The following BTAF1 variants were observed in gnomAD, a reference collection of about 807,000 sequenced individuals.
The protein encoded by BTAF1 is TATA-binding protein-associated factor 172.
BTAF1 carries 38 observed loss-of-function variants against 227.1 expected under a neutral mutation model. The observed-to-expected ratio is 0.17, with a 90% CI of 0.13 to 0.22. The LOEUF is 0.22. Among genes scored for constraint, BTAF1 ranks in the 10% least tolerant of loss-of-function variants. BTAF1 has a pLI of 1.00. For missense variants in BTAF1, 1,598 were observed against 2,204.0 expected, an observed-to-expected ratio of 0.73 and a Z score of 5.51; for synonymous variants, 742 against 751.9, an observed-to-expected ratio of 0.99 and a Z score of 0.21.
At position 91,981,623 on chromosome 10, in the gene BTAF1, G is replaced by T; in HGVS notation, c.1756-20G>T. On this transcript the variant is annotated intron_variant, in intron 15 of 37. Transcript: ENST00000265990. ...TTTATTAGAAAAAATTCACTTTCAT[G>T]TCCCCCTTTTACCCTGCAGGTTTGG... 1.3e-6 allele frequency: 2 copies of T among 1,556,906 alleles called. No individual in the cohort carries two copies. Among genetic ancestry groups the T allele is most frequent in the Non-Finnish European group, 1.7e-6 (2 of 1,156,604 alleles).
intron 20 of BTAF1, among the ~76,000 whole-genome samples, chr10:91,989,968 C>T (rs1848629918): frequency 6.6e-6 from 1 of 152,152 alleles, no homozygotes; most frequent in Non-Finnish European, 1.5e-5. Context: ...ACCCTATTGA[C>T]TGAAAAAGTC....
chr10:91,996,654 T>C (rs575989974), intron 24 of BTAF1, 84 bp downstream of exon 24: 33 of 1,340,150 alleles, frequency 2.5e-5, no homozygotes, highest in Middle Eastern at 4.6e-4. Context: ...TGTGTTCTAA[T>C]ATGCACATAA....
At chr10:92,008,006 A>G in intron 25 of BTAF1, 117 bp from the exon 26 acceptor site, 1 of 963,156 alleles carries the variant, frequency 1.0e-6, no homozygotes, top group South Asian at 1.6e-5. Context: ...ATTTGTCTTC[A>G]AGTCTTTGTA....
chr10:91,992,576 G>T (rs760008803), intron 21 of BTAF1, among the ~76,000 whole-genome samples: 1 of 152,158 alleles, frequency 6.6e-6, no homozygotes, highest in Non-Finnish European at 1.5e-5. Flanking sequence ...CTGTAGAGAA[G>T]GTGCTCAATA....
intron 3 of BTAF1, among the ~76,000 whole-genome samples, chr10:91,941,108 T>A (rs1264628297): frequency 1.3e-5 from 2 of 152,246 alleles, no homozygotes; most frequent in African/African-American, 4.8e-5. Flanking sequence ...GTTATTTTGT[T>A]AATTTGTCTT....
At position 92,015,728 on chromosome 10, in the gene BTAF1, G is replaced by A. The variant is rs184156398; in HGVS notation, c.4585-612G>A. 2.2e-3 allele frequency among the ~76,000 whole-genome samples: 336 copies of A among 152,216 alleles called. 10 individuals carry two copies. The highest frequency in any genetic ancestry group is 0.021 in the Admixed American group (321 of 15,294). ...AGCTCCAAAGAGAAATGGCATTTTG[G>A]CTTTGTTTAGCATTCACAGATTTTT... On this transcript the variant is annotated intron_variant, in intron 32 of 37. Coordinates refer to ENST00000265990, the MANE Select transcript of BTAF1 (RefSeq NM_003972.3).
intron 5 of BTAF1, 109 bp from the exon 6 acceptor site, chr10:91,953,628 C>T (rs1452230707): frequency 6.0e-6 from 7 of 1,171,068 alleles, no homozygotes; most frequent in Admixed American, 2.5e-5. Flanking sequence ...AGAATGTGAT[C>T]GATGTATATA....
chr10:91,995,398 C>T (rs914732261), intron 23 of BTAF1, among the ~76,000 whole-genome samples: 3 of 151,906 alleles, frequency 2.0e-5, no homozygotes, highest in Non-Finnish European at 4.4e-5. Flanking sequence ...AAAAGTAGGC[C>T]GGGCGTGGTG....
Position 91,984,095 on chromosome 10 carries a change from C to T in BTAF1, c.2224-106C>T, listed in dbSNP as rs1167490773. On this transcript the variant is annotated intron_variant, in intron 18 of 37. Transcript: ENST00000265990. ...TTGGAGAAGTAACAGAATATAGATT[C>T]AGTACAAGTAAGAATTTAGAACTTG... 8 of 915,686 alleles carry T rather than the reference C, an allele frequency of 8.7e-6. No individual in the cohort carries two copies. The Admixed American group carries it at 8.7e-5, about 10-fold the overall frequency. 56.7% of individuals were successfully genotyped at this position (915,686 alleles called of 1,614,324 possible).
chr10:92,015,837 C>A (rs1378656986), intron 32 of BTAF1, among the ~76,000 whole-genome samples: 1 of 152,074 alleles, frequency 6.6e-6, no homozygotes, highest in African/African-American at 2.4e-5. Context: ...GAACCCAGAC[C>A]CCAGCGTAGT....
intron 1 of BTAF1, among the ~76,000 whole-genome samples, chr10:91,930,976 C>T (rs372432420): frequency 1.4e-4 from 22 of 152,022 alleles, no homozygotes; most frequent in African/African-American, 5.1e-4. Flanking sequence ...GCTTTTTGCC[C>T]CTCCCCTCCC....
At chr10:91,980,053 C>G (rs138249564) in intron 14 of BTAF1, among the ~76,000 whole-genome samples, 1 of 152,210 alleles carries the variant, frequency 6.6e-6, no homozygotes, top group East Asian at 1.9e-4. Context: ...GCATATAGAA[C>G]TTAAACTCTG....
intron 3 of BTAF1, among the ~76,000 whole-genome samples, chr10:91,941,062 C>T (rs1027359500): frequency 6.6e-6 from 1 of 152,130 alleles, no homozygotes; most frequent in African/African-American, 2.4e-5. Context: ...TTGCCTAATA[C>T]TGTTGCTTTA....
chr10:91,956,663 C>T lies in BTAF1; in HGVS notation c.831+6C>T, dbSNP rs1846107351. The T allele has an allele frequency of 1.2e-6, 2 of 1,608,446 alleles. No individual in the cohort carries two copies. The highest frequency in any genetic ancestry group is 2.2e-5 in the South Asian group (2 of 90,594). On this transcript the variant is annotated splice_donor_region_variant and intron_variant, in intron 7 of 37. Transcript: ENST00000265990. ...GCTCTTCCTTAATTGAAGAGGTACT[C>T]TTGAAAGACTCTAAAGTATCCATTA...
In BTAF1 at chr10:91,935,895, T is replaced by C. The variant is rs972968443; in HGVS notation, c.138+115T>C. 5.9e-6 allele frequency: 5 copies of C among 850,298 alleles called. No homozygotes were observed. The African/African-American group carries it at 8.9e-5, about 15-fold the overall frequency. 52.7% of individuals were successfully genotyped at this position (850,298 alleles called of 1,614,324 possible). A position where few individuals can be genotyped will look rare whatever the true frequency, so the allele number is the denominator to read the frequency against. On this transcript the variant is annotated intron_variant, in intron 2 of 37. Coordinates refer to ENST00000265990, the MANE Select transcript of BTAF1 (RefSeq NM_003972.3). ...AATTTTTAAACATTTTTGCTATTTC[T>C]TTTTTTTTTCTGGTCACAAGACTTA...
At chr10:91,930,863 C>T (rs1844231622) in intron 1 of BTAF1, among the ~76,000 whole-genome samples, 1 of 152,094 alleles carries the variant, frequency 6.6e-6, no homozygotes, top group African/African-American at 2.4e-5. Context: ...ACTGGTCATG[C>T]TTTTTTAGTT....
At chr10:91,959,244 T>C in intron 9 of BTAF1, 90 bp downstream of exon 9, 1 of 1,588,586 alleles carries the variant, frequency 6.3e-7, no homozygotes, top group Non-Finnish European at 8.6e-7. Context: ...TGCCGTGAAG[T>C]AGGAATGAGA....
At chr10:91,936,817 A>T (rs1229629135) in intron 2 of BTAF1, among the ~76,000 whole-genome samples, 1 of 152,180 alleles carries the variant, frequency 6.6e-6, no homozygotes, top group Non-Finnish European at 1.5e-5. Flanking sequence ...AACAATGAAC[A>T]GGCCTCATCT....
At chr10:91,957,508 T>C (rs973467641) in intron 8 of BTAF1, among the ~76,000 whole-genome samples, 1 of 152,258 alleles carries the variant, frequency 6.6e-6, no homozygotes, top group East Asian at 1.9e-4. Context: ...GTTTATTTCT[T>C]TTCGTTCTTT....
Sources: gnomAD v4.1 joint callset for allele counts (sites outside exome capture counted in the v4.1 genomes callset) on GRCh38, gnomAD v4.1.1 for gene constraint, MANE v1.5 for transcripts, NCBI Gene and HGNC (gene_info 2026-07-23, HGNC 2026-07-21) for gene names.